The following DERPC variants were observed in gnomAD, a reference collection of about 807,000 sequenced individuals.
DERPC encodes the protein decreased expression in renal and prostate cancer protein.
DERPC carries 1 observed loss-of-function variant against 7.2 expected under a neutral mutation model. That is an observed-to-expected ratio of 0.14 (90% CI 0.05 to 0.66). DERPC has a LOEUF of 0.66. Among genes scored for constraint, DERPC ranks in the 30% least tolerant of loss-of-function variants. DERPC has a pLI of 0.84. For missense variants in DERPC, 502 were observed against 299.4 expected (o/e 1.68, Z -4.99); for synonymous variants, 185 against 117.6 (o/e 1.57, Z -3.71).
At chr16:69,122,442 G>A (rs111290442) in intron 1 of DERPC, among the ~76,000 whole-genome samples, 3,246 of 150,190 alleles carry the variant, frequency 0.022, 60 homozygotes, top group Non-Finnish European at 0.034. Flanking sequence ...GCGCCATCTC[G>A]GCTCACTGCA....
intron 1 of DERPC, among the ~76,000 whole-genome samples, chr16:69,126,455 G>A (rs1055210387): frequency 2.0e-5 from 3 of 152,218 alleles, no homozygotes; most frequent in African/African-American, 7.2e-5. Context: ...CACTGATGCA[G>A]GAGGCTCTGC....
In DERPC at chr16:69,118,577, C is replaced by T. The variant is rs1961351553; in HGVS notation, c.*277G>A. Reference sequence around the variant, plus strand: ...CAAGAAACTAGTAAGAAACAATGGGCAGAAAGCTGTGGGACGAAAGCACAG... The same window carrying T: ...CAAGAAACTAGTAAGAAACAATGGGTAGAAAGCTGTGGGACGAAAGCACAG... On this transcript the variant is annotated 3_prime_UTR_variant, in exon 3 of 3. Coordinates refer to ENST00000519520, the MANE Select transcript of DERPC (RefSeq NM_001002847.4). The T allele has an allele frequency of 8.0e-6, 6 of 751,326 alleles. No individual in the cohort carries two copies. Among genetic ancestry groups the T allele is most frequent in the Non-Finnish European group, 1.4e-5 (6 of 417,154 alleles). 46.5% of individuals were successfully genotyped at this position (751,326 alleles called of 1,614,324 possible).
At chr16:69,129,656 T>G (rs1215797509) in intron 1 of DERPC, among the ~76,000 whole-genome samples, 3 of 152,112 alleles carry the variant, frequency 2.0e-5, no homozygotes, top group Non-Finnish European at 2.9e-5. Flanking sequence ...GCTACTTAAG[T>G]GGAGAGCTGG....
At chr16:69,127,075 C>T (rs1962113185) in intron 1 of DERPC, among the ~76,000 whole-genome samples, 1 of 151,816 alleles carries the variant, frequency 6.6e-6, no homozygotes, top group African/African-American at 2.4e-5. Context: ...CCATCTCTAC[C>T]AAAAATACAA....
chr16:69,126,009 T>A (rs892480870), intron 1 of DERPC, among the ~76,000 whole-genome samples: 6 of 152,270 alleles, frequency 3.9e-5, no homozygotes, highest in Middle Eastern at 6.8e-3. Flanking sequence ...ATTTTGACAA[T>A]TTAAGGAATG....
At chr16:69,124,794 C>G (rs532166632) in intron 1 of DERPC, among the ~76,000 whole-genome samples, 20 of 152,298 alleles carry the variant, frequency 1.3e-4, no homozygotes, top group African/African-American at 4.3e-4. Flanking sequence ...AGACACTGTG[C>G]AAGCTTGAGA....
Position 69,118,112 on chromosome 16 carries a change from T to G in DERPC, c.*742A>C. The G allele has an allele frequency of 1.9e-6, 1 of 533,218 alleles. No homozygotes were observed. The highest frequency in any genetic ancestry group is 3.4e-6 in the Non-Finnish European group (1 of 295,702). The allele number at this position is 533,218 out of a possible 1,614,324, so 33.0% of individuals were successfully genotyped here. ...AGGCCGAACAAAGCACAGTGATTTC[T>G]TCCCTTCATCCCCCACCCCCACCCT... is the stretch of plus-strand genomic sequence containing the variant. On this transcript the variant is annotated 3_prime_UTR_variant, in exon 3 of 3. Coordinates refer to ENST00000519520, the MANE Select transcript of DERPC (RefSeq NM_001002847.4).
At chr16:69,128,369 C>T (rs1325922924) in intron 1 of DERPC, among the ~76,000 whole-genome samples, 2 of 152,128 alleles carry the variant, frequency 1.3e-5, no homozygotes, top group African/African-American at 2.4e-5. Context: ...CATTATATTA[C>T]AGTGTGGTAT....
chr16:69,121,305 T>C (rs1229213493), intron 2 of DERPC, 131 bp downstream of exon 2: 15 of 1,216,958 alleles, frequency 1.2e-5, no homozygotes, highest in Non-Finnish European at 1.8e-5. Context: ...GTGCTAGGCA[T>C]GGAACTAGAG....
intron 1 of DERPC, among the ~76,000 whole-genome samples, chr16:69,124,710 A>C (rs1379276505): frequency 1.3e-5 from 2 of 152,180 alleles, no homozygotes; most frequent in East Asian, 3.8e-4. Context: ...TATGTTGCCC[A>C]GGTTGGTTCC....
chr16:69,118,131 C>CCCCCCT lies in DERPC; in HGVS notation c.*722_*723insAGGGGG. 1 of 359,770 alleles carries CCCCCCT rather than the reference C, an allele frequency of 2.8e-6. No individual in the cohort carries two copies. Among genetic ancestry groups the CCCCCCT allele is most frequent in the Non-Finnish European group, 5.1e-6 (1 of 195,850 alleles). The allele number at this position is 359,770 out of a possible 1,614,324, so 22.3% of individuals were successfully genotyped here. A position where few individuals can be genotyped will look rare whatever the true frequency, so the allele number is the denominator to read the frequency against. Reference sequence around the variant, plus strand: ...GATTTCTTCCCTTCATCCCCCACCCCCACCCTAATTCCCATATTCCCATCC... The same window carrying CCCCCCT: ...GATTTCTTCCCTTCATCCCCCACCCCCCCCCTCACCCTAATTCCCATATTCCCATCC... On this transcript the variant is annotated 3_prime_UTR_variant, in exon 3 of 3. Transcript: ENST00000519520.
chr16:69,128,510 T>C (rs1286559052), intron 1 of DERPC, among the ~76,000 whole-genome samples: 1 of 152,208 alleles, frequency 6.6e-6, no homozygotes, highest in Non-Finnish European at 1.5e-5. Context: ...GTTTTCTACT[T>C]GATCTTTATG....
Position 69,119,164 on chromosome 16 carries a change from G to A in DERPC, c.1265C>T (p.Pro422Leu), listed in dbSNP as rs1413460670. The stretch of plus-strand genomic sequence containing the variant: ...AGACCTTGGGAAGGTAGTTGGACTT[G>A]GACCCTGCAGGCCAGTGGCCCTTGG... ...NFPRATGLQGPSPTTFPRSTG... is the reference protein window; with the variant it reads ...NFPRATGLQGLSPTTFPRSTG... Residue 422 changes from proline (P) to leucine (L), a missense_variant, in exon 3 of 3, where the codon CCA becomes CTA. Coordinates refer to ENST00000519520, the MANE Select transcript of DERPC (RefSeq NM_001002847.4). 4.3e-6 allele frequency: 3 copies of A among 703,008 alleles called. No homozygotes were observed. In the Admixed American group the frequency reaches 6.0e-5, roughly 14 times the overall value. The allele number at this position is 703,008 out of a possible 1,614,324, so 43.5% of individuals were successfully genotyped here. A position where few individuals can be genotyped will look rare whatever the true frequency, so the allele number is the denominator to read the frequency against.
chr16:69,126,053 A>G (rs905333759), intron 1 of DERPC, among the ~76,000 whole-genome samples: 1 of 152,248 alleles, frequency 6.6e-6, no homozygotes, highest in Non-Finnish European at 1.5e-5. Context: ...AAAAGGCTCA[A>G]TAATGCACAC....
At chr16:69,124,362 A>T (rs572835468) in intron 1 of DERPC, among the ~76,000 whole-genome samples, 1 of 152,188 alleles carries the variant, frequency 6.6e-6, no homozygotes, top group Non-Finnish European at 1.5e-5. Flanking sequence ...TAGTATGGAA[A>T]GTTAATAGGT....
chr16:69,126,286 G>A (rs1421031619), intron 1 of DERPC, among the ~76,000 whole-genome samples: 1 of 152,162 alleles, frequency 6.6e-6, no homozygotes, highest in Non-Finnish European at 1.5e-5. Flanking sequence ...TGAGAAAAAT[G>A]CCGAAATATT....
chr16:69,126,193 T>A (rs1373064679), intron 1 of DERPC, among the ~76,000 whole-genome samples: 2 of 152,280 alleles, frequency 1.3e-5, no homozygotes, highest in South Asian at 4.1e-4. Context: ...CACGGTATAT[T>A]CTAGGAAGAT....
chr16:69,121,757 T>G (rs1171783898), intron 1 of DERPC, among the ~76,000 whole-genome samples: 17 of 151,822 alleles, frequency 1.1e-4, no homozygotes, highest in South Asian at 1.0e-3. Flanking sequence ...AAGCTCCGCC[T>G]CCGGGGTTCA....
intron 1 of DERPC, among the ~76,000 whole-genome samples, chr16:69,131,132 G>C (rs984869170): frequency 1.6e-4 from 24 of 152,146 alleles, no homozygotes; most frequent in Non-Finnish European, 3.2e-4. Context: ...TTCCAAATGA[G>C]AATCTTGCTC....
Sources: gnomAD v4.1 joint callset for allele counts (sites outside exome capture counted in the v4.1 genomes callset) on GRCh38, gnomAD v4.1.1 for gene constraint, MANE v1.5 for transcripts, NCBI Gene and HGNC (gene_info 2026-07-23, HGNC 2026-07-21) for gene names.